OTOA: variants seen among roughly 807,000 people sequenced by gnomAD.
OTOA encodes the protein cancer/testis antigen 108.
A neutral mutation model predicts 110.8 loss-of-function variants in OTOA; 70 were observed. That is an observed-to-expected ratio of 0.63 (90% CI 0.52 to 0.77). The LOEUF (loss-of-function observed/expected upper bound fraction) is 0.77. Ranked by LOEUF, OTOA falls within the 30% of genes least tolerant of loss-of-function variation. OTOA has a pLI of 0.00. For missense variants in OTOA, 917 were observed against 1,075.8 expected (o/e 0.85, Z 2.06); for synonymous variants, 373 against 431.5 (o/e 0.86, Z 1.68).
At chr16:21,705,394 A>G in intron 12 of OTOA, 102 bp downstream of exon 12, 1 of 1,570,324 alleles carries the variant, frequency 6.4e-7, no homozygotes, top group East Asian at 2.2e-5. Flanking sequence ...AACACACAGC[A>G]TTAGTCGGGA....
chr16:21,717,108 T>C, intron 15 of OTOA, 61 bp downstream of exon 15: 2 of 1,599,612 alleles, frequency 1.3e-6, no homozygotes, highest in Admixed American at 1.7e-5. Context: ...TGAGAATGAA[T>C]GGTCTGTTTT....
intron 13 of OTOA, among the ~76,000 whole-genome samples, chr16:21,714,377 TTC>T (rs1217948374): frequency 2.0e-5 from 2 of 98,630 alleles, no homozygotes; most frequent in Admixed American, 1.1e-4. Flanking sequence ...TTCTCTCTCT[TTC>T]TCTCTTTCTC....
rs992177277 is a variant in OTOA, at chr16:21,712,738, G to A, written c.1321-2247G>A. The stretch of plus-strand genomic sequence containing the variant: ...CGGGTGCCTGTAGTCCCAGCTACTC[G>A]GGAGGCTGAGGCAGGAGAATGGCGT... On this transcript the variant is annotated intron_variant, in intron 13 of 28. Transcript: ENST00000646100. Among the ~76,000 whole-genome samples the A allele has an allele frequency of 3.1e-4, 47 of 151,682 alleles. No homozygotes were observed. The East Asian group carries it at 6.7e-3, about 21-fold the overall frequency.
chr16:21,715,539 C>T (rs1217560897), intron 14 of OTOA, among the ~76,000 whole-genome samples: 1 of 151,326 alleles, frequency 6.6e-6, no homozygotes, highest in Non-Finnish European at 1.5e-5. Context: ...AAGCAATCCT[C>T]CTGCCTCAAC....
At chr16:21,670,194 C>T (rs1966847181) in intron 1 of OTOA, among the ~76,000 whole-genome samples, 1 of 151,546 alleles carries the variant, frequency 6.6e-6, no homozygotes, top group East Asian at 1.9e-4. Context: ...TCAGTGGCTC[C>T]CACCTCCCTC....
intron 8 of OTOA, among the ~76,000 whole-genome samples, chr16:21,690,916 T>C (rs976156824): frequency 1.3e-5 from 2 of 151,978 alleles, no homozygotes; most frequent in Middle Eastern, 6.8e-3. Flanking sequence ...GCTGCACCCA[T>C]CAACTCATCA....
intron 13 of OTOA, among the ~76,000 whole-genome samples, chr16:21,714,375 C>T (rs1181489234): frequency 2.1e-3 from 229 of 111,390 alleles, no homozygotes; most frequent in African/African-American, 6.7e-3. Context: ...CTTTCTCTCT[C>T]TTTCTCTCTT....
At chr16:21,714,290 T>TTC (rs1898453516) in intron 13 of OTOA, among the ~76,000 whole-genome samples, 3 of 123,520 alleles carry the variant, frequency 2.4e-5, no homozygotes, top group Non-Finnish European at 3.6e-5. Flanking sequence ...TTCCTTTCTT[T>TTC]CTTTTCCTTT....
At chr16:21,696,576 T>A (rs1897945213) in intron 9 of OTOA, among the ~76,000 whole-genome samples, 1 of 151,846 alleles carries the variant, frequency 6.6e-6, no homozygotes, top group South Asian at 2.1e-4. Context: ...TTATTATCAT[T>A]ATTATTATTA....
At chr16:21,701,197 T>A (rs2141676032) in intron 11 of OTOA, 170 bp downstream of exon 11, 2 of 938,116 alleles carry the variant, frequency 2.1e-6, no homozygotes, top group South Asian at 1.5e-5. Context: ...CAACTTTTTT[T>A]ATGAAGAGGT....
At chr16:21,717,176 G>C in intron 15 of OTOA, 129 bp downstream of exon 15, 2 of 1,346,420 alleles carry the variant, frequency 1.5e-6, no homozygotes, top group Non-Finnish European at 1.0e-6. Context: ...AGGCAGAATA[G>C]TATAGTGTTA....
At chr16:21,676,002 A>G (rs1347587254) in intron 1 of OTOA, among the ~76,000 whole-genome samples, 3 of 152,198 alleles carry the variant, frequency 2.0e-5, no homozygotes, top group African/African-American at 7.2e-5. Flanking sequence ...ATCATGGCTC[A>G]TTGCAGCCTC....
rs1184358879 is a variant in OTOA at position 21,685,289 on chromosome 16, C to A, written c.327C>A (p.Asp109Glu). The A allele has an allele frequency of 6.2e-7, 1 of 1,613,182 alleles. No individual in the cohort carries two copies. The highest frequency in any genetic ancestry group is 2.2e-5 in the East Asian group (1 of 44,842). Residue 109 changes from aspartate (D) to glutamate (E), a missense_variant, in exon 7 of 29, where the codon GAC becomes GAA. By Grantham distance (45) the Asp-to-Glu change is conservative. This residue lies in a region of OTOA where 840 missense variants were observed against 910.2 expected (regional missense o/e 0.92). Transcript: ENST00000646100. ...RLHQPQKLLEDLRKTDAQQFR... is the reference protein window; with the variant it reads ...RLHQPQKLLEELRKTDAQQFR... ...ACCAGCCCCAGAAGCTGCTGGAGGA[C>A]CTGAGGAAGACAGACGCCCAGCAGT...
chr16:21,700,357 A>G (rs1898026396), intron 10 of OTOA, among the ~76,000 whole-genome samples: 1 of 152,202 alleles, frequency 6.6e-6, no homozygotes, highest in African/African-American at 2.4e-5. Flanking sequence ...TCAGATATTA[A>G]AAAATAATTC....
rs1897830069 is a variant in OTOA at position 21,691,578 on chromosome 16, A to T, written c.636-6A>T. On this transcript the variant is annotated splice_polypyrimidine_tract_variant and splice_region_variant and intron_variant, in intron 8 of 28. Coordinates refer to ENST00000646100, the MANE Select transcript of OTOA (RefSeq NM_144672.4). The stretch of plus-strand genomic sequence containing the variant: ...ATTAGCTGATGCCTGTGTTTGTGTC[A>T]TTTAGATCTGCAGTGTTCAAAGATC... 3 of 1,610,428 alleles carry T rather than the reference A, an allele frequency of 1.9e-6. No homozygotes were observed. In the African/African-American group the frequency reaches 4.0e-5, roughly 22 times the overall value.
chr16:21,690,526 GT>G (rs1472987670), intron 8 of OTOA, among the ~76,000 whole-genome samples: 2 of 151,962 alleles, frequency 1.3e-5, no homozygotes, highest in African/African-American at 4.8e-5. Flanking sequence ...ACATAATCTT[GT>G]TCATTTTTAT....
chr16:21,707,738 T>C lies in OTOA; in HGVS notation c.1105-2150T>C, dbSNP rs977468953. Among the ~76,000 whole-genome samples the C allele has an allele frequency of 2.0e-4, 26 of 131,300 alleles. No individual in the cohort carries two copies. The Middle Eastern group carries it at 0.013, about 66-fold the overall frequency. The allele number at this position is 131,300 out of a possible 152,430, so 86.1% of individuals were successfully genotyped here. On this transcript the variant is annotated intron_variant, in intron 12 of 28. Coordinates refer to ENST00000646100, the MANE Select transcript of OTOA (RefSeq NM_144672.4). ...TTCTTCTCTTTCTCACTCTCTCTCT[T>C]TCTTTCTTTCCTCCTTCCCTCCCTC...
At chr16:21,707,633 CTT>C (rs1491376709) in intron 12 of OTOA, among the ~76,000 whole-genome samples, 4 of 107,008 alleles carry the variant, frequency 3.7e-5, no homozygotes, top group Non-Finnish European at 6.3e-5. Flanking sequence ...TTCTTTCTTT[CTT>C]TCTTTCTTTC....
rs531589434 is a variant in OTOA, at chr16:21,684,720, CTTATTA to C, written c.268-468_268-463del. Among the ~76,000 whole-genome samples the C allele has an allele frequency of 8.7e-3, 1,104 of 126,898 alleles. 5 individuals are homozygous for C. The highest frequency in any genetic ancestry group is 0.017 in the African/African-American group (632 of 36,292). 83.3% of individuals were successfully genotyped at this position (126,898 alleles called of 152,430 possible). ...AAATCTTGATCTTGTGAGGAATCCCCTTATTATTATTATTATTATTATTATTATTAT... is the reference window on the plus strand; with the variant it reads ...AAATCTTGATCTTGTGAGGAATCCCCTTATTATTATTATTATTATTATTAT... On this transcript the variant is annotated intron_variant, in intron 6 of 28. Transcript: ENST00000646100.
Sources: allele counts gnomAD v4.1 joint callset (sites outside exome capture counted in the v4.1 genomes callset), GRCh38; gene constraint gnomAD v4.1.1; regional missense constraint gnomAD v4.1.1; transcripts MANE v1.5; gene names NCBI Gene and HGNC (gene_info 2026-07-23, HGNC 2026-07-21).